The following FGF14 variants were observed in gnomAD, a reference collection of about 807,000 sequenced individuals.
The protein encoded by FGF14 is fibroblast growth factor 14.
Under a neutral mutation model 25.5 loss-of-function variants are expected in FGF14, and 5 were observed. The ratio of observed to expected loss-of-function variants is 0.20; its 90% CI spans 0.10 to 0.41. The LOEUF is 0.41. Among genes scored for constraint, FGF14 ranks in the 10% least tolerant of loss-of-function variants. The pLI, the probability that FGF14 is intolerant of heterozygous loss-of-function variation, is 1.00. For missense variants in FGF14, 222 were observed against 320.1 expected (o/e 0.69, Z 2.34); for synonymous variants, 138 against 118.3 (o/e 1.17, Z -1.08).
chr13:101,751,130 CATT>C (rs1298160190), intron 3 of FGF14, among the ~76,000 whole-genome samples: 1 of 151,974 alleles, frequency 6.6e-6, no homozygotes, highest in Non-Finnish European at 1.5e-5. Context: ...AGATACATGT[CATT>C]ATACATTTGA....
chr13:101,826,946 A>T (rs534010877), intron 3 of FGF14, among the ~76,000 whole-genome samples: 1 of 152,116 alleles, frequency 6.6e-6, no homozygotes, highest in East Asian at 1.9e-4. Flanking sequence ...TAACTACTAG[A>T]TAAAGACACT....
intron 1 of FGF14, among the ~76,000 whole-genome samples, chr13:101,927,818 C>A (rs2034472062): frequency 6.6e-6 from 1 of 152,118 alleles, no homozygotes; most frequent in Middle Eastern, 3.2e-3. Context: ...AGGGGCTCCA[C>A]CTCCCCAGAG....
Position 101,938,530 on chromosome 13 carries a change from T to C in FGF14, c.209-63234A>G, listed in dbSNP as rs144270634. The stretch of plus-strand genomic sequence containing the variant: ...CCAAAATACTACTCTGCCAAGTTTG[T>C]CCCAATAAAATCCATGCCATTGAGA... On this transcript the variant is annotated intron_variant, in intron 1 of 4. Coordinates refer to the FGF14 transcript ENST00000376131. 7.9e-5 allele frequency among the ~76,000 whole-genome samples: 12 copies of C among 152,366 alleles called. No individual in the cohort carries two copies. The East Asian group carries it at 2.1e-3, about 27-fold the overall frequency.
At chr13:102,000,227 G>A (rs2039413853) in intron 1 of FGF14, among the ~76,000 whole-genome samples, 1 of 152,198 alleles carries the variant, frequency 6.6e-6, no homozygotes, top group African/African-American at 2.4e-5. Flanking sequence ...GCTGAGACAG[G>A]AGAATGGCTT....
intron 1 of FGF14, among the ~76,000 whole-genome samples, chr13:102,351,098 T>A (rs987124487): frequency 6.6e-6 from 1 of 152,168 alleles, no homozygotes; most frequent in African/African-American, 2.4e-5. Flanking sequence ...TCTCTCCCCA[T>A]CTCCCTTTCT....
chr13:102,292,113 G>GT (rs2054438379), intron 1 of FGF14, among the ~76,000 whole-genome samples: 1 of 151,846 alleles, frequency 6.6e-6, no homozygotes. Context: ...CCGCCAATTT[G>GT]TTTTTCTGGC....
rs140565152 is a variant in FGF14 at position 101,987,208 on chromosome 13, T to C, written c.209-111912A>G. ...ATTTCTATTAAAAATCTTCCAATAC[T>C]TTCCCATCCCACTCCAGGAAAAAAA... On this transcript the variant is annotated intron_variant, in intron 1 of 4. Coordinates refer to the FGF14 transcript ENST00000376131. Among the ~76,000 whole-genome samples, 17 of 152,136 alleles carry C rather than the reference T, an allele frequency of 1.1e-4. 1 individual carries two copies. The East Asian group carries it at 3.3e-3, about 29-fold the overall frequency.
At chr13:102,353,903 C>A (rs552665647) in intron 1 of FGF14, among the ~76,000 whole-genome samples, 6 of 152,286 alleles carry the variant, frequency 3.9e-5, no homozygotes, top group African/African-American at 1.4e-4. Flanking sequence ...ATTCTCATTT[C>A]TTCTCTAGGT....
At chr13:102,189,207 A>G (rs1208909461) in intron 1 of FGF14, among the ~76,000 whole-genome samples, 1 of 152,138 alleles carries the variant, frequency 6.6e-6, no homozygotes, top group Non-Finnish European at 1.5e-5. Context: ...ATAGAAGAAA[A>G]GTAGAGGTTG....
At chr13:102,071,515 A>G (rs1054146480) in intron 1 of FGF14, among the ~76,000 whole-genome samples, 4 of 152,140 alleles carry the variant, frequency 2.6e-5, no homozygotes, top group Non-Finnish European at 5.9e-5. Context: ...TTTTATAATC[A>G]TCACATTAAG....
intron 1 of FGF14, among the ~76,000 whole-genome samples, chr13:102,158,990 T>A (rs2140555694): frequency 6.6e-6 from 1 of 151,558 alleles, no homozygotes; most frequent in Non-Finnish European, 1.5e-5. Context: ...AATACAAAAA[T>A]TAGCCTGGTT....
intron 1 of FGF14, among the ~76,000 whole-genome samples, chr13:101,976,821 T>C (rs1373500699): frequency 6.6e-6 from 1 of 152,210 alleles, no homozygotes; most frequent in African/African-American, 2.4e-5. Context: ...AGCTGTAAAC[T>C]ACCCCAACTT....
chr13:102,016,912 G>C (rs747258051), intron 1 of FGF14: 3 of 152,298 alleles, frequency 2.0e-5, no homozygotes, highest in African/African-American at 7.2e-5. Context: ...CAGTAGCATA[G>C]GATGTTTACT....
intron 1 of FGF14, among the ~76,000 whole-genome samples, chr13:102,175,190 A>C (rs774935450): frequency 2.1e-4 from 32 of 152,200 alleles, no homozygotes; most frequent in Admixed American, 7.2e-4. Context: ...TGTGACTTTA[A>C]GTTATACTAC....
At chr13:101,900,661 C>T (rs1442719410) in intron 1 of FGF14, among the ~76,000 whole-genome samples, 1 of 152,036 alleles carries the variant, frequency 6.6e-6, no homozygotes, top group Non-Finnish European at 1.5e-5. Flanking sequence ...AAGAGAGTGG[C>T]TGCTTTTAGT....
intron 3 of FGF14, among the ~76,000 whole-genome samples, chr13:101,792,232 C>T (rs2040276883): frequency 6.6e-6 from 1 of 152,078 alleles, no homozygotes; most frequent in African/African-American, 2.4e-5. Context: ...AGCTATTTTC[C>T]TATTGTCAGA....
At chr13:102,163,508 G>T (rs1253472562) in intron 1 of FGF14, among the ~76,000 whole-genome samples, 2 of 152,098 alleles carry the variant, frequency 1.3e-5, no homozygotes, top group Non-Finnish European at 2.9e-5. Flanking sequence ...CCATGAATAC[G>T]ATGAACTTAA....
intron 3 of FGF14, among the ~76,000 whole-genome samples, chr13:101,738,333 A>G (rs1434164632): frequency 1.3e-5 from 2 of 152,180 alleles, no homozygotes; most frequent in African/African-American, 4.8e-5. Context: ...CAAATAAATC[A>G]TCTTACTGGG....
At chr13:102,149,097 C>T (rs2046973484) in intron 1 of FGF14, among the ~76,000 whole-genome samples, 1 of 152,002 alleles carries the variant, frequency 6.6e-6, no homozygotes, top group African/African-American at 2.4e-5. Flanking sequence ...ATGCTAAGTG[C>T]TTTACCTGCA....
Sources: allele counts gnomAD v4.1 joint callset (sites outside exome capture counted in the v4.1 genomes callset), GRCh38; gene constraint gnomAD v4.1.1; transcripts MANE v1.5; gene names NCBI Gene and HGNC (gene_info 2026-07-23, HGNC 2026-07-21).